Variants in TEX36 observed in about 807,000 individuals in gnomAD.
TEX36 encodes testis expressed 36, also known as testis-expressed protein 36.
A neutral mutation model predicts 13.6 loss-of-function variants in TEX36; 12 were observed. That is an observed-to-expected ratio of 0.88 (90% confidence interval 0.56 to 1.43). TEX36 has a LOEUF of 1.43. TEX36 is among the 40% of genes most tolerant of loss of function. The pLI is 0.00. For missense variants in TEX36, 224 were observed against 228.3 expected, an observed-to-expected ratio of 0.98 and a Z score of 0.12; for synonymous variants, 93 against 83.0, an observed-to-expected ratio of 1.12 and a Z score of -0.65.
chr10:125,649,692 A>C (rs1846824015), intron 3 of TEX36, among the ~76,000 whole-genome samples: 1 of 152,258 alleles, frequency 6.6e-6, no homozygotes, highest in African/African-American at 2.4e-5. Context: ...ATTAAAAGAC[A>C]CAGACTGGCA....
intron 1 of TEX36, among the ~76,000 whole-genome samples, chr10:125,674,728 G>T (rs1048072342): frequency 9.2e-5 from 14 of 152,174 alleles, no homozygotes; most frequent in Non-Finnish European, 1.8e-4. Context: ...GACCCTATTT[G>T]CCTGGGTCCC....
intron 3 of TEX36, among the ~76,000 whole-genome samples, chr10:125,603,306 A>T (rs1435929324): frequency 6.6e-6 from 1 of 152,034 alleles, no homozygotes; most frequent in African/African-American, 2.4e-5. Flanking sequence ...CTGTGCCCCC[A>T]TCCCTGCACC....
At chr10:125,622,229 G>A (rs2133560709) in intron 3 of TEX36, among the ~76,000 whole-genome samples, 1 of 152,238 alleles carries the variant, frequency 6.6e-6, no homozygotes, top group South Asian at 2.1e-4. Context: ...ACAACAAGAA[G>A]CACACTAATC....
intron 3 of TEX36, among the ~76,000 whole-genome samples, chr10:125,644,812 C>A (rs1843274798): frequency 1.3e-5 from 2 of 152,148 alleles, no homozygotes; most frequent in African/African-American, 4.8e-5. Context: ...TGAAGGTTAT[C>A]CTGGTTGGGT....
At chr10:125,648,698 A>G (rs1284043315) in intron 3 of TEX36, among the ~76,000 whole-genome samples, 3 of 152,184 alleles carry the variant, frequency 2.0e-5, no homozygotes, top group Non-Finnish European at 4.4e-5. Flanking sequence ...ATCAGTAATA[A>G]CAAACTTCTC....
At chr10:125,579,297 G>A (rs1443214174) in intron 3 of TEX36, among the ~76,000 whole-genome samples, 3 of 152,162 alleles carry the variant, frequency 2.0e-5, no homozygotes, top group Non-Finnish European at 2.9e-5. Flanking sequence ...AAGCAAACAC[G>A]TCCTTCTTCA....
At position 125,621,758 on chromosome 10, in the gene TEX36, A is replaced by C. The variant is rs1160742714; in HGVS notation, c.265-113T>G. ...GCCAAAGGCCCAAGAGCCCCCCAGA[A>C]GCCACTGGTTCAAGTCCCAGAGTCC... On this transcript the variant is annotated intron_variant, in intron 3 of 3. Coordinates refer to the TEX36 transcript ENST00000526819. 2.8e-5 allele frequency: 12 copies of C among 426,498 alleles called. 1 individual carries two copies. The Admixed American group carries it at 3.3e-4, about 12-fold the overall frequency. 26.4% of individuals were successfully genotyped at this position (426,498 alleles called of 1,614,324 possible).
chr10:125,682,336 G>A (rs971685189), intron 1 of TEX36, among the ~76,000 whole-genome samples: 8 of 152,198 alleles, frequency 5.3e-5, no homozygotes, highest in African/African-American at 9.7e-5. Context: ...GGGGGAGAGC[G>A]TGAAGCTGGA....
In TEX36 at chr10:125,679,147, G is replaced by T. The variant is rs11244600; in HGVS notation, c.51+3792C>A. Among the ~76,000 whole-genome samples, 5 of 82,476 alleles carry T rather than the reference G, an allele frequency of 6.1e-5. 1 individual carries two copies. Among genetic ancestry groups the T allele is most frequent in the African/African-American group, 1.6e-4 (3 of 18,812 alleles). The allele number at this position is 82,476 out of a possible 152,430, so 54.1% of individuals were successfully genotyped here. On this transcript the variant is annotated intron_variant, in intron 1 of 3. Coordinates refer to ENST00000368821, the MANE Select transcript of TEX36 (RefSeq NM_001128202.3). ...CTCTGGCTACAGGAGCACCCCCCCC[G>T]CCCCCGCCAAGCTGACAACTTAGTT... is the stretch of plus-strand genomic sequence containing the variant.
chr10:125,600,542 A>G (rs1251804223), intron 3 of TEX36, among the ~76,000 whole-genome samples: 1 of 152,144 alleles, frequency 6.6e-6, no homozygotes, highest in East Asian at 1.9e-4. Context: ...TATTTGAATT[A>G]CTTAAAATCA....
intron 3 of TEX36, among the ~76,000 whole-genome samples, chr10:125,622,901 A>C (rs927502925): frequency 6.6e-6 from 1 of 152,194 alleles, no homozygotes; most frequent in Non-Finnish European, 1.5e-5. Context: ...CAATGGAATC[A>C]TTGTTGCGTC....
chr10:125,643,340 A>G (rs1242226139), intron 3 of TEX36, among the ~76,000 whole-genome samples: 3 of 152,194 alleles, frequency 2.0e-5, no homozygotes, highest in African/African-American at 7.2e-5. Context: ...AGGATCTTCA[A>G]AAAGCAACTG....
intron 1 of TEX36, among the ~76,000 whole-genome samples, chr10:125,671,517 G>T (rs980556700): frequency 3.3e-5 from 5 of 152,162 alleles, no homozygotes; most frequent in Admixed American, 2.6e-4. Context: ...TTGATGTGCT[G>T]CTGGATTCAG....
chr10:125,582,699 T>C (rs1372924837), intron 3 of TEX36, among the ~76,000 whole-genome samples: 2 of 152,218 alleles, frequency 1.3e-5, no homozygotes, highest in Admixed American at 1.3e-4. Flanking sequence ...GGAATTTACA[T>C]GGATTAAGAG....
At chr10:125,577,449 A>G (rs964850436) in intron 3 of TEX36, among the ~76,000 whole-genome samples, 5 of 152,238 alleles carry the variant, frequency 3.3e-5, no homozygotes, top group African/African-American at 1.2e-4. Flanking sequence ...CATTGAGCTG[A>G]GATTGCACCA....
intron 3 of TEX36, among the ~76,000 whole-genome samples, chr10:125,615,425 T>C (rs1323156981): frequency 1.3e-5 from 2 of 152,022 alleles, no homozygotes; most frequent in African/African-American, 4.8e-5. Context: ...GGGTTTGTCA[T>C]AGATAGCTCT....
chr10:125,661,389 G>A (rs1367571114), intron 2 of TEX36, among the ~76,000 whole-genome samples: 2 of 152,186 alleles, frequency 1.3e-5, no homozygotes, highest in African/African-American at 4.8e-5. Flanking sequence ...ACAGGCTCAT[G>A]GAGCCAAAAA....
intron 3 of TEX36, among the ~76,000 whole-genome samples, chr10:125,628,591 A>G (rs533768354): frequency 1.4e-4 from 21 of 152,342 alleles, no homozygotes; most frequent in African/African-American, 4.6e-4. Flanking sequence ...GGACACAGGA[A>G]GGAAGTGTGG....
intron 3 of TEX36, among the ~76,000 whole-genome samples, chr10:125,643,247 G>A (rs986160300): frequency 1.3e-5 from 2 of 152,188 alleles, no homozygotes; most frequent in Non-Finnish European, 2.9e-5. Flanking sequence ...AGGAGCTAGT[G>A]GACACACCTG....
Sources: allele counts gnomAD v4.1 joint callset (sites outside exome capture counted in the v4.1 genomes callset), GRCh38; gene constraint gnomAD v4.1.1; transcripts MANE v1.5; gene names NCBI Gene and HGNC (gene_info 2026-07-23, HGNC 2026-07-21).